The following KMT2C variants were observed in gnomAD, a reference collection of about 807,000 sequenced individuals.
The protein encoded by KMT2C is histone-lysine N-methyltransferase 2C.
A neutral mutation model predicts 507.9 loss-of-function variants in KMT2C; 88 were observed. The observed-to-expected ratio is 0.17, with a 90% CI of 0.15 to 0.21. The LOEUF (loss-of-function observed/expected upper bound fraction) is 0.21. Ranked by LOEUF, KMT2C falls within the 10% of genes least tolerant of loss-of-function variation. The pLI, the probability that KMT2C is intolerant of heterozygous loss-of-function variation, is 1.00. For missense variants in KMT2C, 4,954 were observed against 5,957.8 expected (o/e 0.83, Z 5.55); for synonymous variants, 2,049 against 2,080.8 (o/e 0.98, Z 0.42).
chr7:152,221,134 G>A (rs200008927), intron 22 of KMT2C, among the ~76,000 whole-genome samples: 7 of 152,156 alleles, frequency 4.6e-5, no homozygotes, highest in African/African-American at 1.7e-4. Context: ...GCGGGCACCT[G>A]TAATCCCAGC....
At chr7:152,333,040 A>G (rs976758338) in intron 2 of KMT2C, among the ~76,000 whole-genome samples, 1 of 152,168 alleles carries the variant, frequency 6.6e-6, no homozygotes, top group African/African-American at 2.4e-5. Context: ...ATCTTTTATA[A>G]GCACAGAGAT....
At chr7:152,190,330 T>A (rs1038850480) in intron 31 of KMT2C, among the ~76,000 whole-genome samples, 1 of 152,202 alleles carries the variant, frequency 6.6e-6, no homozygotes, top group Admixed American at 6.5e-5. Flanking sequence ...TCTACCGATA[T>A]TACAATAATA....
intron 1 of KMT2C, among the ~76,000 whole-genome samples, chr7:152,384,035 CAT>C (rs1491384579): frequency 6.9e-5 from 10 of 145,560 alleles, no homozygotes; most frequent in African/African-American, 1.6e-4. Context: ...GAGAGGCAGA[CAT>C]GTGTGTCTGT....
At chr7:152,194,847 CA>C (rs36061637) in intron 28 of KMT2C, among the ~76,000 whole-genome samples, 19,609 of 86,834 alleles carry the variant, frequency 0.23, 2,856 homozygotes, top group African/African-American at 0.49. Flanking sequence ...CAACTCCTGC[CA>C]AAAAAAAAAA....
chr7:152,352,398 T>G (rs2097120595), intron 2 of KMT2C, among the ~76,000 whole-genome samples: 1 of 152,176 alleles, frequency 6.6e-6, no homozygotes, highest in South Asian at 2.1e-4. Context: ...TCATTTGCCT[T>G]GTGATATTCT....
intron 1 of KMT2C, among the ~76,000 whole-genome samples, chr7:152,414,570 A>C (rs2097715068): frequency 6.6e-6 from 1 of 151,900 alleles, no homozygotes; most frequent in South Asian, 2.1e-4. Context: ...TGTGAAAACT[A>C]CTCAATAAGA....
intron 6 of KMT2C, among the ~76,000 whole-genome samples, chr7:152,278,603 AT>A (rs2096135264): frequency 1.4e-5 from 1 of 73,652 alleles, no homozygotes; most frequent in Non-Finnish European, 3.3e-5. Context: ...AGCTATATAT[AT>A]GCACAATGCA....
At chr7:152,152,120 A>C (rs2091677054) in intron 49 of KMT2C, among the ~76,000 whole-genome samples, 1 of 152,192 alleles carries the variant, frequency 6.6e-6, no homozygotes, top group Non-Finnish European at 1.5e-5. Flanking sequence ...AACAGCTAGA[A>C]GCCAAGAGGA....
intron 6 of KMT2C, among the ~76,000 whole-genome samples, chr7:152,289,429 A>G (rs2096366932): frequency 1.3e-5 from 2 of 152,258 alleles, no homozygotes; most frequent in African/African-American, 4.8e-5. Context: ...ACGAGAAATA[A>G]AGAGTAAAAT....
chr7:152,138,622 A>ACT lies in KMT2C; in HGVS notation c.14643+172_14643+173dup, dbSNP rs1587584096. 37 of 522,144 alleles carry ACT rather than the reference A, an allele frequency of 7.1e-5. No individual in the cohort carries two copies. The East Asian group carries it at 1.2e-3, about 18-fold the overall frequency. The allele number at this position is 522,144 out of a possible 1,614,324, so 32.3% of individuals were successfully genotyped here. A position where few individuals can be genotyped will look rare whatever the true frequency, so the allele number is the denominator to read the frequency against. On this transcript the variant is annotated intron_variant, in intron 58 of 58. Transcript: ENST00000262189. The surrounding 1 kb of genome is among the most constrained non-coding windows in gnomAD (Gnocchi z 4.2). ...AGAGCTGCCATGTGGAGGAAGGTGAACTGGAGTGCCTGAAGGGTGAGATAC... is the reference window on the plus strand; with the variant it reads ...AGAGCTGCCATGTGGAGGAAGGTGAACTCTGGAGTGCCTGAAGGGTGAGATAC...
chr7:152,294,641 G>A (rs143427730), intron 6 of KMT2C, among the ~76,000 whole-genome samples: 5 of 152,048 alleles, frequency 3.3e-5, no homozygotes, highest in East Asian at 1.9e-4. Context: ...TGCCGGACCC[G>A]CCACTCCCAA....
Position 152,182,060 on chromosome 7 carries a change from T to G in KMT2C, c.5800A>C (p.Arg1934=), listed in dbSNP as rs149712719. 1.2e-6 allele frequency: 2 copies of G among 1,614,064 alleles called. No homozygotes were observed. The highest frequency in any genetic ancestry group is 2.7e-5 in the African/African-American group (2 of 74,926). Reference sequence around the variant, plus strand: ...GTTGTCTCATTCATTTGAAGGGGCCTAGATACCGATGATAAAGGTGTACAG... The same window carrying G: ...GTTGTCTCATTCATTTGAAGGGGCCGAGATACCGATGATAAAGGTGTACAG... The part of the protein sequence containing the change: ...ENCTPLSSVS[R]PLQMNETTAN... The change falls in exon 36 of 59, where the codon AGG becomes CGG. Residue 1934 remains arginine (R), a synonymous_variant. Transcript: ENST00000262189.
At position 152,221,960 on chromosome 7, in the gene KMT2C, A is replaced by G. The variant is rs1252961350; in HGVS notation, c.3499+41T>C. On this transcript the variant is annotated intron_variant, in intron 22 of 58. Transcript: ENST00000262189. The stretch of plus-strand genomic sequence containing the variant: ...AAGCCAATTATGTAAAAATTAAGCA[A>G]AGTAAATTAATTAAATCAAGTAAAG... The G allele has an allele frequency of 2.7e-6, 4 of 1,472,684 alleles. No individual in the cohort carries two copies. The Admixed American group carries it at 5.6e-5, about 20-fold the overall frequency. 91.2% of individuals were successfully genotyped at this position (1,472,684 alleles called of 1,614,324 possible). A position where few individuals can be genotyped will look rare whatever the true frequency, so the allele number is the denominator to read the frequency against.
chr7:152,272,299 T>G (rs892378996), intron 7 of KMT2C, among the ~76,000 whole-genome samples: 16 of 152,174 alleles, frequency 1.1e-4, no homozygotes, highest in African/African-American at 3.9e-4. Flanking sequence ...CAGTTTTCAG[T>G]AGAAAGTAGC....
At chr7:152,196,913 A>T (rs1311921464) in intron 27 of KMT2C, among the ~76,000 whole-genome samples, 3 of 152,214 alleles carry the variant, frequency 2.0e-5, no homozygotes, top group Non-Finnish European at 4.4e-5. Flanking sequence ...AAACTGTGGT[A>T]AGGATAAAAA....
intron 58 of KMT2C, chr7:152,137,808 G>T (rs2090043602): frequency 6.6e-6 from 1 of 152,208 alleles, no homozygotes; most frequent in African/African-American, 2.4e-5. Flanking sequence ...AGTCTCTTCT[G>T]ACCACCATGG....
chr7:152,381,730 G>C (rs879124710), intron 1 of KMT2C, among the ~76,000 whole-genome samples: 1 of 152,182 alleles, frequency 6.6e-6, no homozygotes, highest in Non-Finnish European at 1.5e-5. Flanking sequence ...TAGGAACAAA[G>C]TTGTCTTCTC....
rs566541905 is a variant in KMT2C, at chr7:152,247,925, G to T, written c.2509C>A (p.Pro837Thr). The T allele has an allele frequency of 1.2e-6, 2 of 1,614,110 alleles. No individual in the cohort carries two copies. Among genetic ancestry groups the T allele is most frequent in the Non-Finnish European group, 1.7e-6 (2 of 1,179,914 alleles). Reference protein sequence around the residue: ...KPAITKRKFSPGRPRSKQGAW... With the variant: ...KPAITKRKFSTGRPRSKQGAW... ...ACCTGTTTGGACCGAGGTCTACCAGGAGAAAATTTTCTCTTAGTAATAGCT... is the reference window on the plus strand; with the variant it reads ...ACCTGTTTGGACCGAGGTCTACCAGTAGAAAATTTTCTCTTAGTAATAGCT... The change falls in exon 14 of 59, where the codon CCT becomes ACT. Residue 837 changes from proline to threonine, a missense_variant. Pro to Thr is a conservative substitution (Grantham distance 38, BLOSUM62 -1). Around this residue, in one of 29 missense-constraint regions of KMT2C, gnomAD observed 7 missense variants for 72.6 expected, o/e 0.10. Transcript: ENST00000262189.
intron 6 of KMT2C, among the ~76,000 whole-genome samples, chr7:152,299,378 G>T (rs1427880579): frequency 6.6e-6 from 1 of 150,742 alleles, no homozygotes; most frequent in Admixed American, 6.6e-5. Context: ...AGAAGACCAG[G>T]TGCAATGGCT....
Sources: allele counts gnomAD v4.1 joint callset (sites outside exome capture counted in the v4.1 genomes callset), GRCh38; gene constraint gnomAD v4.1.1; regional missense constraint gnomAD v4.1.1; non-coding constraint Gnocchi (gnomAD v3.1); transcripts MANE v1.5; gene names NCBI Gene and HGNC (gene_info 2026-07-23, HGNC 2026-07-21).